Variants in ZFYVE16 observed in about 807,000 individuals in gnomAD.
ZFYVE16 encodes the protein zinc finger FYVE domain-containing protein 16.
A neutral mutation model predicts 138.1 loss-of-function variants in ZFYVE16; 89 were observed. The ratio of observed to expected loss-of-function variants is 0.64; its 90% CI spans 0.54 to 0.77. The LOEUF (loss-of-function observed/expected upper bound fraction) is 0.77, where lower values mean the gene tolerates loss of function less well. Among genes scored for constraint, ZFYVE16 ranks in the 30% least tolerant of loss-of-function variants. The probability of loss-of-function intolerance (pLI) is 0.00; values close to 1 mark genes in which losing one functional copy is unlikely to be tolerated. For missense variants in ZFYVE16, 1,793 were observed against 1,786.7 expected (o/e 1.00, Z -0.06); for synonymous variants, 596 against 618.3 (o/e 0.96, Z 0.53).
chr5:80,445,409 A>G lies in ZFYVE16; in HGVS notation c.2724+4A>G. The G allele has an allele frequency of 6.2e-7, 1 of 1,608,388 alleles. No homozygotes were observed. The highest frequency in any genetic ancestry group is 8.5e-7 in the Non-Finnish European group (1 of 1,178,248). ...TCTCTCACCTGATGTGCCTATGGTA[A>G]GGAATTCAAAGAATAACTTAATTGA... On this transcript the variant is annotated splice_donor_region_variant and intron_variant, in intron 7 of 18. Coordinates refer to ENST00000505560, the MANE Select transcript of ZFYVE16 (RefSeq NM_001284236.3).
rs1755336890 is a variant in ZFYVE16, at chr5:80,483,306, TC to T, written c.*5930del. ...GGAAGAGCAACCAAAATGGCAAATCTCTGGATAAACCAAATAGACTTACATG... is the reference window on the plus strand; with the variant it reads ...GGAAGAGCAACCAAAATGGCAAATCTTGGATAAACCAAATAGACTTACATG... On this transcript the variant is annotated 3_prime_UTR_variant, in exon 19 of 19. Transcript: ENST00000505560. The T allele has an allele frequency of 6.6e-6, 1 of 152,182 alleles. No individual in the cohort carries two copies. The highest frequency in any genetic ancestry group is 2.1e-4 in the South Asian group (1 of 4,830). The allele number at this position is 152,182 out of a possible 1,614,324, so 9.4% of individuals were successfully genotyped here.
At chr5:80,449,232 C>T (rs1751722203) in intron 8 of ZFYVE16, among the ~76,000 whole-genome samples, 1 of 152,032 alleles carries the variant, frequency 6.6e-6, no homozygotes, top group South Asian at 2.1e-4. Context: ...CTCTAGACTA[C>T]TTTCATAGAC....
intron 18 of ZFYVE16, among the ~76,000 whole-genome samples, chr5:80,476,784 C>T (rs765107568): frequency 6.6e-6 from 1 of 152,172 alleles, no homozygotes; most frequent in African/African-American, 2.4e-5. Context: ...GGAGTAAGCA[C>T]TGTAAATTTT....
chr5:80,434,329 A>G (rs1749559119), intron 3 of ZFYVE16, 112 bp downstream of exon 3: 1 of 997,258 alleles, frequency 1.0e-6, no homozygotes, highest in Admixed American at 2.0e-5. Flanking sequence ...TGGTCACGTT[A>G]TCTTCTGCAA....
At chr5:80,407,918 C>T (rs1744827279), upstream of ZFYVE16, 1 of 152,354 alleles carries the variant, frequency 6.6e-6, no homozygotes, top group Admixed American at 6.5e-5. Context: ...GAACCTGCGT[C>T]GTAGTGCGCA....
intron 3 of ZFYVE16, among the ~76,000 whole-genome samples, chr5:80,436,524 A>G (rs1408385845): frequency 1.3e-5 from 2 of 152,196 alleles, no homozygotes; most frequent in Non-Finnish European, 2.9e-5. Flanking sequence ...TGTGACACTT[A>G]CTTTCTAGTT....
At chr5:80,441,315 GAT>G in intron 5 of ZFYVE16, 1 of 985,388 alleles carries the variant, frequency 1.0e-6, no homozygotes, top group Non-Finnish European at 1.2e-6. Context: ...GAGAAGATAT[GAT>G]CATTAAAGAA....
intron 1 of ZFYVE16, chr5:80,409,583 G>T (rs1745124469): frequency 6.6e-6 from 1 of 152,212 alleles, no homozygotes; most frequent in Non-Finnish European, 1.5e-5. Context: ...TAGAAGAGGA[G>T]CGTGGCATTG....
chr5:80,407,734 G>A (rs148690871), upstream of ZFYVE16, among the ~76,000 whole-genome samples: 22 of 152,354 alleles, frequency 1.4e-4, no homozygotes, highest in African/African-American at 4.1e-4. Context: ...AGCCGGGGAA[G>A]CTGCCTCTAG....
At chr5:80,411,968 T>C (rs1479116063) in intron 1 of ZFYVE16, among the ~76,000 whole-genome samples, 1 of 152,158 alleles carries the variant, frequency 6.6e-6, no homozygotes, top group Non-Finnish European at 1.5e-5. Flanking sequence ...CATTTTATTA[T>C]TTTTATTTGA....
chr5:80,437,586 G>T lies in ZFYVE16; in HGVS notation c.901G>T (p.Ala301Ser). ...ECLKEEGKTS[A>S]LTCSLPKNED... ...TTTAAAAGAAGAGGGCAAGACAAGT[G>T]CTTTGACCTGCAGCCTTCCGAAAAA... Residue 301 changes from alanine to serine, a missense_variant, in exon 4 of 19, where the codon GCT becomes TCT. By Grantham distance (99) the Ala-to-Ser change is moderately conservative. Transcript: ENST00000505560. 2 of 1,613,928 alleles carry T rather than the reference G, an allele frequency of 1.2e-6. No homozygotes were observed. The highest frequency in any genetic ancestry group is 1.7e-6 in the Non-Finnish European group (2 of 1,179,966).
At chr5:80,434,320 G>A in intron 3 of ZFYVE16, 103 bp downstream of exon 3, 1 of 1,185,128 alleles carries the variant, frequency 8.4e-7, no homozygotes, top group South Asian at 1.4e-5. Flanking sequence ...TTTCAATTTT[G>A]GTCACGTTAT....
intron 3 of ZFYVE16, 113 bp from the exon 4 acceptor site, chr5:80,436,643 A>T: frequency 1.0e-6 from 1 of 953,868 alleles, no homozygotes; most frequent in East Asian, 2.7e-5. Flanking sequence ...CAAAAGGATA[A>T]TCTATGTTCT....
chr5:80,461,415 A>G (rs1580325410), intron 15 of ZFYVE16, among the ~76,000 whole-genome samples: 2 of 152,298 alleles, frequency 1.3e-5, no homozygotes, highest in African/African-American at 4.8e-5. Context: ...CACTGCAAAT[A>G]ATTATGTCTA....
chr5:80,426,647 A>G (rs977261799), intron 1 of ZFYVE16, among the ~76,000 whole-genome samples: 2 of 152,152 alleles, frequency 1.3e-5, no homozygotes, highest in African/African-American at 2.4e-5. Context: ...TTTTATGACC[A>G]CATAGTATTC....
rs192692103 is a variant in ZFYVE16 at position 80,421,742 on chromosome 5, T to C, written c.-93-5750T>C. Among the ~76,000 whole-genome samples the C allele has an allele frequency of 5.3e-5, 8 of 152,334 alleles. 1 individual carries two copies. The highest frequency in any genetic ancestry group is 1.0e-4 in the Non-Finnish European group (7 of 68,032). ...GTCAGGTAGCGTGATGCCTCCAGCT[T>C]TGTTCTTTTGGCTTAGGACTGTCTC... is the stretch of plus-strand genomic sequence containing the variant. On this transcript the variant is annotated intron_variant, in intron 1 of 18. Transcript: ENST00000505560.
At position 80,444,201 on chromosome 5, in the gene ZFYVE16, A is replaced by G. The variant is rs942054471; in HGVS notation, c.2581+917A>G. ...ATTACTCAGTAACTATTTTCCATTT[A>G]TTATAATGAAATAAGGAGACTCAGC... is the stretch of plus-strand genomic sequence containing the variant. On this transcript the variant is annotated intron_variant, in intron 6 of 18. Transcript: ENST00000505560. Among the ~76,000 whole-genome samples, 5 of 152,166 alleles carry G rather than the reference A, an allele frequency of 3.3e-5. No homozygotes were observed. In the South Asian group the frequency reaches 8.3e-4, roughly 25 times the overall value.
Position 80,480,956 on chromosome 5 carries a change from C to T in ZFYVE16, c.*3579C>T, listed in dbSNP as rs1202232423. On this transcript the variant is annotated 3_prime_UTR_variant, in exon 19 of 19. Transcript: ENST00000505560. ...CAGGAAAACTGGAAATGCTAGCTGACAGAGAGAAAAATAGTCCAAGGAACA... is the reference window on the plus strand; with the variant it reads ...CAGGAAAACTGGAAATGCTAGCTGATAGAGAGAAAAATAGTCCAAGGAACA... 6.6e-6 allele frequency among the ~76,000 whole-genome samples: 1 copy of T among 152,102 alleles called. No homozygotes were observed. Among genetic ancestry groups the T allele is most frequent in the Non-Finnish European group, 1.5e-5 (1 of 68,016 alleles).
At chr5:80,416,715 A>C (rs1410736556) in intron 1 of ZFYVE16, among the ~76,000 whole-genome samples, 1 of 151,900 alleles carries the variant, frequency 6.6e-6, no homozygotes, top group Non-Finnish European at 1.5e-5. Context: ...TTCTGGCATT[A>C]CAAGATGCTC....
Sources: gnomAD v4.1 joint callset for allele counts (sites outside exome capture counted in the v4.1 genomes callset) on GRCh38, gnomAD v4.1.1 for gene constraint, MANE v1.5 for transcripts, NCBI Gene and HGNC (gene_info 2026-07-23, HGNC 2026-07-21) for gene names.